The following PDZD2 variants were observed in gnomAD, a reference collection of about 807,000 sequenced individuals.
PDZD2 encodes PDZ domain-containing protein 2.
A neutral mutation model predicts 220.7 loss-of-function variants in PDZD2; 90 were observed. The observed-to-expected ratio is 0.41, with a 90% CI of 0.34 to 0.49. PDZD2 has a LOEUF of 0.49. PDZD2 is among the 20% of genes least tolerant of loss of function. PDZD2 has a pLI of 0.28. For missense variants in PDZD2, 3,174 were observed against 3,608.5 expected (o/e 0.88, Z 3.08); for synonymous variants, 1,375 against 1,450.5 (o/e 0.95, Z 1.18).
intron 2 of PDZD2, among the ~76,000 whole-genome samples, chr5:31,951,530 A>G (rs894226733): frequency 1.3e-5 from 2 of 152,244 alleles, no homozygotes; most frequent in African/African-American, 4.8e-5. Context: ...CAGCAGAATC[A>G]TACAGTTTGT....
intron 2 of PDZD2, among the ~76,000 whole-genome samples, chr5:31,803,115 C>G (rs1196597308): frequency 6.8e-6 from 1 of 147,214 alleles, no homozygotes; most frequent in East Asian, 2.0e-4. Context: ...TTTTTTTTTG[C>G]AGACAGCGTC....
intron 5 of PDZD2, among the ~76,000 whole-genome samples, chr5:32,003,138 A>AC (rs1445208794): frequency 1.4e-4 from 2 of 13,982 alleles, no homozygotes; most frequent in African/African-American, 1.7e-4. Context: ...CACACACCAC[A>AC]CACACACCAC....
intron 1 of PDZD2, among the ~76,000 whole-genome samples, chr5:31,778,893 C>T (rs1484668501): frequency 2.6e-5 from 4 of 152,008 alleles, no homozygotes; most frequent in Non-Finnish European, 4.4e-5. Context: ...AGATGAAAAC[C>T]GTCATTTTAG....
chr5:31,671,048 G>A (rs897237632), intron 1 of PDZD2, among the ~76,000 whole-genome samples: 6 of 152,096 alleles, frequency 3.9e-5, no homozygotes, highest in African/African-American at 1.4e-4. Flanking sequence ...GCACCCCCAG[G>A]GAGAGAGGCA....
rs931931483 is a variant in PDZD2 at position 31,884,862 on chromosome 5, C to G, written c.476+85138C>G. On this transcript the variant is annotated intron_variant, in intron 2 of 24. Coordinates refer to ENST00000438447, the MANE Select transcript of PDZD2 (RefSeq NM_178140.4). The stretch of plus-strand genomic sequence containing the variant: ...TTTGCCATGTTGGCCAGGCTGGTTT[C>G]AAACTCTTGGCCTCAAATGATCCAC... Among the ~76,000 whole-genome samples, 5 of 152,086 alleles carry G rather than the reference C, an allele frequency of 3.3e-5. No individual in the cohort carries two copies. In the South Asian group the frequency reaches 1.0e-3, roughly 32 times the overall value.
chr5:32,044,330 A>G (rs1196634492), intron 7 of PDZD2, among the ~76,000 whole-genome samples: 2 of 151,884 alleles, frequency 1.3e-5, no homozygotes, highest in Admixed American at 6.6e-5. Flanking sequence ...ACTCCGTCTT[A>G]AAAAAAACCA....
chr5:32,001,588 C>A (rs573075475), intron 5 of PDZD2, among the ~76,000 whole-genome samples: 1 of 152,214 alleles, frequency 6.6e-6, no homozygotes, highest in African/African-American at 2.4e-5. Flanking sequence ...CAGGTCCTGA[C>A]GCCCCAGGCA....
chr5:31,771,921 A>G (rs1046112962), intron 1 of PDZD2, among the ~76,000 whole-genome samples: 1 of 152,162 alleles, frequency 6.6e-6, no homozygotes, highest in Non-Finnish European at 1.5e-5. Context: ...CAAATATACT[A>G]CTTTTTAGGC....
chr5:31,888,922 A>G (rs1221089602), intron 2 of PDZD2, among the ~76,000 whole-genome samples: 2 of 152,170 alleles, frequency 1.3e-5, no homozygotes, highest in Non-Finnish European at 2.9e-5. Context: ...GTTCCCAGTC[A>G]AGATACCCTC....
At chr5:32,086,664 T>TTGTTGTTGC (rs1216981425) in intron 19 of PDZD2, among the ~76,000 whole-genome samples, 1 of 82,980 alleles carries the variant, frequency 1.2e-5, no homozygotes, top group African/African-American at 4.5e-5. Flanking sequence ...GAACGCCGTT[T>TTGTTGTTGC]TGTTGTTGTT....
chr5:31,799,676 T>C lies in PDZD2; in HGVS notation c.428T>C (p.Leu143Pro). The C allele has an allele frequency of 6.2e-7, 1 of 1,613,964 alleles. No homozygotes were observed. The highest frequency in any genetic ancestry group is 8.5e-7 in the Non-Finnish European group (1 of 1,179,952). ...SGKVRLRDEI[L>P]SLNGQLMVGV... is the part of the protein sequence containing the mutation. ...AAGGTCCGACTGCGGGATGAGATCC[T>C]CTCACTGAATGGGCAGCTGATGGTT... The change falls in exon 2 of 25, where the codon CTC (leucine) becomes CCC (proline). Residue 143 changes from leucine (L) to proline (P), a missense_variant. Physicochemically the swap from Leu to Pro is moderately conservative, Grantham distance 98 (BLOSUM62 -3). Around this residue, in one of 4 missense-constraint regions of PDZD2, gnomAD observed 632 missense variants for 708.1 expected, o/e 0.89. Coordinates refer to ENST00000438447, the MANE Select transcript of PDZD2 (RefSeq NM_178140.4).
chr5:31,911,950 C>T (rs1342561569), intron 2 of PDZD2, among the ~76,000 whole-genome samples: 2 of 152,176 alleles, frequency 1.3e-5, no homozygotes, highest in Non-Finnish European at 2.9e-5. Flanking sequence ...GCAACTCTGG[C>T]TGCAATGGGG....
At chr5:31,855,637 C>T (rs1481516190) in intron 2 of PDZD2, among the ~76,000 whole-genome samples, 1 of 152,230 alleles carries the variant, frequency 6.6e-6, no homozygotes, top group Non-Finnish European at 1.5e-5. Context: ...TGAGACGGAG[C>T]AAAGCTGCTT....
intron 1 of PDZD2, among the ~76,000 whole-genome samples, chr5:31,654,079 T>G (rs1010504796): frequency 6.6e-6 from 1 of 152,184 alleles, no homozygotes. Flanking sequence ...CCACCGCGCC[T>G]GGCCCCAATA....
At chr5:31,803,231 G>A (rs1209285116) in intron 2 of PDZD2, among the ~76,000 whole-genome samples, 1 of 146,050 alleles carries the variant, frequency 6.8e-6, no homozygotes, top group African/African-American at 2.5e-5. Flanking sequence ...TCTAGTAACT[G>A]TGTCTGCAGG....
chr5:31,987,689 A>G (rs1262134648), intron 3 of PDZD2, among the ~76,000 whole-genome samples: 1 of 152,034 alleles, frequency 6.6e-6, no homozygotes, highest in Non-Finnish European at 1.5e-5. Context: ...ATTTTCCCAT[A>G]CCGCTGAACC....
intron 2 of PDZD2, among the ~76,000 whole-genome samples, chr5:31,928,388 A>G (rs1277113309): frequency 1.3e-5 from 2 of 152,210 alleles, no homozygotes; most frequent in African/African-American, 2.4e-5. Flanking sequence ...GCATTCTTTC[A>G]TAGAGCATCT....
At chr5:31,685,080 G>T (rs538974885) in intron 1 of PDZD2, among the ~76,000 whole-genome samples, 71 of 152,210 alleles carry the variant, frequency 4.7e-4, no homozygotes, top group African/African-American at 1.7e-3. Context: ...CTCTCTGTTT[G>T]TTCTCCATTA....
chr5:31,961,762 GCCT>G (rs1478824019), intron 2 of PDZD2, among the ~76,000 whole-genome samples: 1 of 152,122 alleles, frequency 6.6e-6, no homozygotes, highest in Non-Finnish European at 1.5e-5. Flanking sequence ...TCCTGCCTCA[GCCT>G]CCTAACTAGC....
Sources: gnomAD v4.1 joint callset for allele counts (sites outside exome capture counted in the v4.1 genomes callset) on GRCh38, gnomAD v4.1.1 for gene constraint, gnomAD v4.1.1 regional missense constraint, MANE v1.5 for transcripts, NCBI Gene and HGNC (gene_info 2026-07-23, HGNC 2026-07-21) for gene names.